The following KLF12 variants were observed in gnomAD, a reference collection of about 807,000 sequenced individuals.
KLF12 encodes Krueppel-like factor 12.
Under a neutral mutation model 37.8 loss-of-function variants are expected in KLF12, and 9 were observed. The ratio of observed to expected loss-of-function variants is 0.24; its 90% CI spans 0.14 to 0.42. The LOEUF is 0.42. Among genes scored for constraint, KLF12 ranks in the 10% least tolerant of loss-of-function variants. The probability of loss-of-function intolerance (pLI) is 1.00; values close to 1 mark genes in which losing one functional copy is unlikely to be tolerated. For missense variants in KLF12, 411 were observed against 516.0 expected (o/e 0.80, Z 1.97); for synonymous variants, 208 against 202.1 (o/e 1.03, Z -0.25).
At chr13:73,987,962 T>C (rs1173982399) in intron 2 of KLF12, among the ~76,000 whole-genome samples, 2 of 152,108 alleles carry the variant, frequency 1.3e-5, no homozygotes, top group East Asian at 3.9e-4. Context: ...CTGGCCGAAA[T>C]GTAAATCTTT....
intron 6 of KLF12, among the ~76,000 whole-genome samples, chr13:73,720,508 A>G (rs1191750194): frequency 1.3e-5 from 2 of 152,230 alleles, no homozygotes; most frequent in Non-Finnish European, 2.9e-5. Flanking sequence ...ATATATCTGT[A>G]CAGCCCCAAA....
intron 1 of KLF12, among the ~76,000 whole-genome samples, chr13:74,033,316 T>C (rs1411759315): frequency 6.6e-6 from 1 of 152,210 alleles, no homozygotes; most frequent in Non-Finnish European, 1.5e-5. Flanking sequence ...TACATGCACA[T>C]ACACAAATGT....
At chr13:73,864,454 T>G (rs1433118995) in intron 3 of KLF12, among the ~76,000 whole-genome samples, 1 of 152,026 alleles carries the variant, frequency 6.6e-6, no homozygotes, top group Non-Finnish European at 1.5e-5. Context: ...AAAACACTGG[T>G]CTATATCTAT....
intron 3 of KLF12, among the ~76,000 whole-genome samples, chr13:73,913,885 C>T (rs1455493502): frequency 6.6e-6 from 1 of 152,116 alleles, no homozygotes; most frequent in Non-Finnish European, 1.5e-5. Context: ...ATTATAATTG[C>T]ATCTGGAACA....
chr13:74,090,835 TC>T (rs1875609839), intron 1 of KLF12, among the ~76,000 whole-genome samples: 2 of 151,954 alleles, frequency 1.3e-5, no homozygotes, highest in Non-Finnish European at 2.9e-5. Flanking sequence ...GACAAAACTT[TC>T]AATTTTGATA....
the KLF12 span, among the ~76,000 whole-genome samples, chr13:74,162,641 G>A: frequency 1.8e-4 from 28 of 152,194 alleles, no homozygotes; most frequent in African/African-American, 6.7e-4. Flanking sequence ...TTGGGATTCT[G>A]CCTGTTTATT....
chr13:74,169,616 C>T, the KLF12 span, among the ~76,000 whole-genome samples: 1 of 152,196 alleles, frequency 6.6e-6, no homozygotes, highest in African/African-American at 2.4e-5. Flanking sequence ...AGCTACCACT[C>T]TTTGCCCTTG....
intron 5 of KLF12, among the ~76,000 whole-genome samples, chr13:73,789,627 G>T (rs1421617670): frequency 6.6e-6 from 1 of 151,248 alleles, no homozygotes; most frequent in Non-Finnish European, 1.5e-5. Flanking sequence ...AAGTTTCCCA[G>T]TTAGGGCTAG....
chr13:74,178,460 A>G, the KLF12 span, among the ~76,000 whole-genome samples: 1 of 152,206 alleles, frequency 6.6e-6, no homozygotes, highest in Admixed American at 6.5e-5. Flanking sequence ...CTGCCATAGT[A>G]TTATAGAAAA....
chr13:73,731,816 G>C (rs1476711259), intron 6 of KLF12, among the ~76,000 whole-genome samples: 2 of 152,194 alleles, frequency 1.3e-5, no homozygotes, highest in East Asian at 3.9e-4. Context: ...AGAATAGCTT[G>C]AAAGAGTGAA....
In KLF12 at chr13:73,937,620, G is replaced by A. The variant is rs572773366; in HGVS notation, c.123+6361C>T. 2.6e-5 allele frequency among the ~76,000 whole-genome samples: 4 copies of A among 152,278 alleles called. No individual in the cohort carries two copies. In the South Asian group the frequency reaches 8.3e-4, roughly 32 times the overall value. ...GGGACATCTGGATTGTGGGTGGCAG[G>A]AGAATTAAGTTGAAAGAGAAAGTAC... On this transcript the variant is annotated intron_variant, in intron 3 of 7. Transcript: ENST00000377669.
chr13:73,793,263 C>G (rs1881787897), intron 5 of KLF12, among the ~76,000 whole-genome samples: 1 of 152,078 alleles, frequency 6.6e-6, no homozygotes, highest in African/African-American at 2.4e-5. Context: ...GTGCGGTCTG[C>G]CCCCAAATAA....
intron 3 of KLF12, among the ~76,000 whole-genome samples, chr13:73,912,125 G>A (rs768118098): frequency 5.9e-5 from 9 of 152,058 alleles, no homozygotes; most frequent in Non-Finnish European, 8.8e-5. Context: ...GGCTACTAGA[G>A]CTATAAATAT....
chr13:73,813,515 A>G (rs748459881), intron 4 of KLF12, among the ~76,000 whole-genome samples: 1 of 152,194 alleles, frequency 6.6e-6, no homozygotes, highest in Non-Finnish European at 1.5e-5. Flanking sequence ...ATTTCAGGGT[A>G]TGGTTATAGA....
chr13:73,877,887 C>A (rs192052886), intron 3 of KLF12, among the ~76,000 whole-genome samples: 3 of 152,226 alleles, frequency 2.0e-5, no homozygotes, highest in East Asian at 1.9e-4. Flanking sequence ...AACAGGTATT[C>A]CCTGTTTTCA....
chr13:73,868,366 T>G (rs1886294853), intron 3 of KLF12, among the ~76,000 whole-genome samples: 1 of 148,906 alleles, frequency 6.7e-6, no homozygotes, highest in African/African-American at 2.5e-5. Context: ...CCTACAGACA[T>G]TATAAAAATA....
rs140299215 is a variant in KLF12, at chr13:73,892,232, A to G, written c.124-45859T>C. Among the ~76,000 whole-genome samples, 264 of 152,298 alleles carry G rather than the reference A, an allele frequency of 1.7e-3. 1 individual carries two copies. The highest frequency in any genetic ancestry group is 6.0e-3 in the African/African-American group (251 of 41,588). The stretch of plus-strand genomic sequence containing the variant: ...TGTATAATCTGAATGGTACTCTGGA[A>G]TAACAAATGAAAATAATGGGACAAC... On this transcript the variant is annotated intron_variant, in intron 3 of 7. Coordinates refer to ENST00000377669, the MANE Select transcript of KLF12 (RefSeq NM_007249.5).
chr13:73,796,026 A>T (rs549412265), intron 5 of KLF12, among the ~76,000 whole-genome samples: 1 of 152,324 alleles, frequency 6.6e-6, no homozygotes, highest in Admixed American at 6.5e-5. Context: ...ATTGATGCCT[A>T]CATCAATCTA....
chr13:73,834,796 G>A (rs141027488), intron 4 of KLF12, among the ~76,000 whole-genome samples: 260 of 152,346 alleles, frequency 1.7e-3, no homozygotes, highest in Non-Finnish European at 3.0e-3. Context: ...ACAGGCGTGA[G>A]CCACTGTGCC....
Sources: gnomAD v4.1 joint callset for allele counts (sites outside exome capture counted in the v4.1 genomes callset) on GRCh38, gnomAD v4.1.1 for gene constraint, MANE v1.5 for transcripts, NCBI Gene and HGNC (gene_info 2026-07-23, HGNC 2026-07-21) for gene names.